SEMA6A: variants seen among roughly 807,000 people sequenced by gnomAD.
SEMA6A encodes the protein semaphorin-6A.
Under a neutral mutation model 96.8 loss-of-function variants are expected in SEMA6A, and 25 were observed. The observed-to-expected ratio is 0.26, with a 90% CI of 0.19 to 0.36. SEMA6A has a LOEUF of 0.36. Among genes scored for constraint, SEMA6A ranks in the 10% least tolerant of loss-of-function variants. SEMA6A has a pLI of 1.00. For synonymous variants in SEMA6A, 612 were observed against 518.0 expected (o/e 1.18, Z -2.46); for missense variants, 1,363 against 1,323.1 (o/e 1.03, Z -0.47).
chr5:116,450,392 A>T (rs890887229), intron 18 of SEMA6A, among the ~76,000 whole-genome samples: 2 of 152,206 alleles, frequency 1.3e-5, no homozygotes, highest in Middle Eastern at 3.2e-3. Context: ...GGCATTCTAC[A>T]ATTTAAACTG....
chr5:116,539,515 C>T (rs1759868293), intron 1 of SEMA6A, among the ~76,000 whole-genome samples: 1 of 152,202 alleles, frequency 6.6e-6, no homozygotes, highest in African/African-American at 2.4e-5. Flanking sequence ...TTAGGTTGTA[C>T]TCCTGAGAAA....
chr5:116,489,856 G>A (rs1757248333), intron 7 of SEMA6A, among the ~76,000 whole-genome samples: 1 of 152,100 alleles, frequency 6.6e-6, no homozygotes, highest in Non-Finnish European at 1.5e-5. Flanking sequence ...ATAATCAAAA[G>A]GGGTGTTCTA....
At chr5:116,486,075 T>TA (rs1757034670) in intron 10 of SEMA6A, among the ~76,000 whole-genome samples, 1 of 152,218 alleles carries the variant, frequency 6.6e-6, no homozygotes, top group Non-Finnish European at 1.5e-5. Flanking sequence ...TGATGATTTA[T>TA]AAATTCTCAC....
At chr5:116,561,082 T>G (rs1057164234) in intron 1 of SEMA6A, among the ~76,000 whole-genome samples, 1 of 152,202 alleles carries the variant, frequency 6.6e-6, no homozygotes, top group African/African-American at 2.4e-5. Context: ...ACCCTTCCCT[T>G]ACCAGAGGTG....
At chr5:116,475,701 A>T in intron 15 of SEMA6A, 98 bp from the exon 16 acceptor site, 3 of 804,880 alleles carry the variant, frequency 3.7e-6, no homozygotes, top group Non-Finnish European at 5.9e-6. Context: ...ACACAGTTTG[A>T]TAAATTGAGT....
intron 16 of SEMA6A, among the ~76,000 whole-genome samples, chr5:116,474,400 G>A (rs1269648675): frequency 2.6e-5 from 4 of 151,770 alleles, no homozygotes; most frequent in African/African-American, 7.3e-5. Context: ...TCCCTGATAC[G>A]GATGAACGCA....
At chr5:116,481,028 G>A (rs1270154805) in intron 11 of SEMA6A, among the ~76,000 whole-genome samples, 2 of 152,154 alleles carry the variant, frequency 1.3e-5, no homozygotes, top group African/African-American at 4.8e-5. Flanking sequence ...TGGTGCAGAA[G>A]AGGAGATTGG....
Position 116,506,246 on chromosome 5 carries a change from T to A in SEMA6A, c.-38-1264A>T, listed in dbSNP as rs969153519. Among the ~76,000 whole-genome samples the A allele has an allele frequency of 2.4e-4, 36 of 152,340 alleles. 1 individual carries two copies. The highest frequency in any genetic ancestry group is 8.4e-4 in the African/African-American group (35 of 41,582). ...GTCCCAAGTGTTGCACTGTAACTTA[T>A]AATTTCACACACACAGCTGGGTCTT... On this transcript the variant is annotated intron_variant, in intron 1 of 18. Transcript: ENST00000343348.
intron 18 of SEMA6A, among the ~76,000 whole-genome samples, chr5:116,457,315 T>A (rs1010625878): frequency 1.1e-4 from 17 of 152,130 alleles, no homozygotes; most frequent in Admixed American, 5.9e-4. Flanking sequence ...GTCCAAAAGG[T>A]TAGGCATAAT....
chr5:116,454,876 G>A (rs1269769280), intron 18 of SEMA6A, among the ~76,000 whole-genome samples: 1 of 152,070 alleles, frequency 6.6e-6, no homozygotes, highest in East Asian at 1.9e-4. Flanking sequence ...TTAGGTACCA[G>A]GAGGGGCCAT....
chr5:116,476,012 GCCTT>G (rs1161482443), intron 15 of SEMA6A, among the ~76,000 whole-genome samples: 1 of 151,958 alleles, frequency 6.6e-6, no homozygotes, highest in Non-Finnish European at 1.5e-5. Flanking sequence ...TCCTACCCTT[GCCTT>G]CCTAGGCAAG....
chr5:116,466,393 A>AG (rs1755756514), intron 18 of SEMA6A, among the ~76,000 whole-genome samples: 1 of 151,856 alleles, frequency 6.6e-6, no homozygotes, highest in African/African-American at 2.4e-5. Context: ...AAAAAAAAAA[A>AG]AAGATTTGAG....
intron 1 of SEMA6A, among the ~76,000 whole-genome samples, chr5:116,521,828 A>C (rs1312153864): frequency 6.6e-6 from 1 of 151,734 alleles, no homozygotes; most frequent in Non-Finnish European, 1.5e-5. Flanking sequence ...TTTAAAACAA[A>C]GACTGACTAC....
At chr5:116,457,244 T>G (rs1418801630) in intron 18 of SEMA6A, among the ~76,000 whole-genome samples, 1 of 152,198 alleles carries the variant, frequency 6.6e-6, no homozygotes, top group Non-Finnish European at 1.5e-5. Context: ...TTGTGTCCAG[T>G]GCTATCTATT....
intron 1 of SEMA6A, among the ~76,000 whole-genome samples, chr5:116,558,323 A>C (rs570459580): frequency 6.6e-6 from 1 of 152,334 alleles, no homozygotes; most frequent in South Asian, 2.1e-4. Context: ...CTTGGGATAC[A>C]TGTGCTGAAT....
intron 17 of SEMA6A, chr5:116,468,048 A>G: frequency 2.8e-6 from 1 of 354,748 alleles, no homozygotes; most frequent in Non-Finnish European, 5.2e-6. Flanking sequence ...GGGGATAAAG[A>G]TACCTCTCGG....
chr5:116,521,886 A>G (rs1251925603), intron 1 of SEMA6A, among the ~76,000 whole-genome samples: 1 of 152,226 alleles, frequency 6.6e-6, no homozygotes, highest in Non-Finnish European at 1.5e-5. Flanking sequence ...CCAGAAAAAA[A>G]GTATGAAACA....
At chr5:116,482,691 T>C (rs1756845416) in intron 10 of SEMA6A, 116 bp from the exon 11 acceptor site, 1 of 974,960 alleles carries the variant, frequency 1.0e-6, no homozygotes, top group Non-Finnish European at 1.5e-6. Context: ...GTTCATACCT[T>C]GGACACTATA....
intron 18 of SEMA6A, among the ~76,000 whole-genome samples, chr5:116,453,716 C>G (rs1428716099): frequency 1.3e-5 from 2 of 152,160 alleles, no homozygotes; most frequent in African/African-American, 4.8e-5. Flanking sequence ...TATCGCAAAA[C>G]TCTTGGCTTC....
Sources: allele counts gnomAD v4.1 joint callset (sites outside exome capture counted in the v4.1 genomes callset), GRCh38; gene constraint gnomAD v4.1.1; transcripts MANE v1.5; gene names NCBI Gene and HGNC (gene_info 2026-07-23, HGNC 2026-07-21).